Variants in DMXL1 observed in about 807,000 individuals in gnomAD.
The protein encoded by DMXL1 is Dmx like 1.
Under a neutral mutation model 319.2 loss-of-function variants are expected in DMXL1, and 99 were observed. The ratio of observed to expected loss-of-function variants is 0.31; its 90% CI spans 0.26 to 0.37. DMXL1 has a LOEUF of 0.37. Among genes scored for constraint, DMXL1 ranks in the 10% least tolerant of loss-of-function variants. The probability of loss-of-function intolerance (pLI) is 1.00; values close to 1 mark genes in which losing one functional copy is unlikely to be tolerated. For missense variants in DMXL1, 3,745 were observed against 3,595.6 expected, an observed-to-expected ratio of 1.04 and a Z score of -1.06; for synonymous variants, 1,385 against 1,235.2, an observed-to-expected ratio of 1.12 and a Z score of -2.54.
chr5:119,180,264 A>G (rs1379357729), intron 28 of DMXL1, among the ~76,000 whole-genome samples: 2 of 152,210 alleles, frequency 1.3e-5, no homozygotes, highest in African/African-American at 2.4e-5. Context: ...CTTATGGAAT[A>G]GTATAAGTGG....
intron 2 of DMXL1, chr5:119,100,687 A>G (rs940011897): frequency 1.3e-5 from 2 of 149,980 alleles, no homozygotes; most frequent in African/African-American, 4.9e-5. Context: ...CTATTGTGTT[A>G]TAAGGAGCAC....
At position 119,193,881 on chromosome 5, in the gene DMXL1, G is replaced by A. The variant is rs1314736700; in HGVS notation, c.7368G>A (p.Leu2456=). The A allele has an allele frequency of 2.5e-6, 4 of 1,612,922 alleles. No individual in the cohort carries two copies. In the African/African-American group the frequency reaches 5.3e-5, roughly 22 times the overall value. ...SRAEYDSEES[L]GSDDDDNDDD... is the part of the protein sequence containing the mutation. ...CCGAATATGATTCAGAGGAGAGTCTGGGAAGTGATGATGATGACAATGATG... is the reference window on the plus strand; with the variant it reads ...CCGAATATGATTCAGAGGAGAGTCTAGGAAGTGATGATGATGACAATGATG... Residue 2456 remains leucine, a synonymous_variant, in exon 30 of 44, where the codon CTG becomes CTA. Transcript: ENST00000539542.
chr5:119,221,029 C>G lies in DMXL1; in HGVS notation c.8225C>G (p.Pro2742Arg). Residue 2742 changes from proline to arginine, a missense_variant, in exon 37 of 44, where the codon CCA becomes CGA. This residue lies in a region of DMXL1 where 1,382 missense variants were observed against 1,269.5 expected (regional missense o/e 1.09). Coordinates refer to ENST00000539542, the MANE Select transcript of DMXL1 (RefSeq NM_001290321.3). ...TATACACATAGCAATCCTGGCACTC[C>G]AATCAACATGCCATGGCTTGGTAGT... ...TPYTHSNPGT[P>R]INMPWLGSTQ... 1 of 1,613,824 alleles carries G rather than the reference C, an allele frequency of 6.2e-7. No individual in the cohort carries two copies. The highest frequency in any genetic ancestry group is 1.1e-5 in the South Asian group (1 of 91,062).
At chr5:119,142,411 G>T (rs774471612) in intron 13 of DMXL1, among the ~76,000 whole-genome samples, 2 of 151,260 alleles carry the variant, frequency 1.3e-5, no homozygotes, top group Non-Finnish European at 2.9e-5. Flanking sequence ...CATACGTGTG[G>T]CAACAAACAT....
At chr5:119,187,541 T>C (rs1379233179) in intron 28 of DMXL1, among the ~76,000 whole-genome samples, 1 of 152,182 alleles carries the variant, frequency 6.6e-6, no homozygotes, top group East Asian at 1.9e-4. Context: ...ACAGGTCATT[T>C]CTTGTTTACT....
intron 32 of DMXL1, 74 bp downstream of exon 32, chr5:119,198,030 C>G: frequency 6.8e-7 from 1 of 1,466,256 alleles, no homozygotes; most frequent in Non-Finnish European, 9.5e-7. Flanking sequence ...GCTCTGTCAT[C>G]CGGGCTGGAG....
At chr5:119,139,839 G>C (rs185742843) in intron 13 of DMXL1, among the ~76,000 whole-genome samples, 2 of 152,028 alleles carry the variant, frequency 1.3e-5, no homozygotes, top group Non-Finnish European at 2.9e-5. Context: ...TCATTGCCAC[G>C]TCACATACTC....
chr5:119,206,876 G>C lies in DMXL1; in HGVS notation c.7906G>C (p.Glu2636Gln), dbSNP rs776318996. 127 of 1,527,656 alleles carry C rather than the reference G, an allele frequency of 8.3e-5. No homozygotes were observed. The African/African-American group carries it at 1.5e-3, about 18-fold the overall frequency. The allele number at this position is 1,527,656 out of a possible 1,614,324, so 94.6% of individuals were successfully genotyped here. ...NSETIKNSMM[E>Q]EPNINKIEAD... ...TGAAACCATCAAAAATTCTATGATGGAGGAGCCAAACATCAATAAGGTACA... is the reference window on the plus strand; with the variant it reads ...TGAAACCATCAAAAATTCTATGATGCAGGAGCCAAACATCAATAAGGTACA... The change falls in exon 34 of 44, where the codon GAG becomes CAG. Residue 2636 changes from glutamate (E) to glutamine (Q), a missense_variant. By Grantham distance (29) the Glu-to-Gln change is conservative (BLOSUM62 2). Transcript: ENST00000539542.
At chr5:119,219,960 C>G (rs750228400) in intron 35 of DMXL1, among the ~76,000 whole-genome samples, 127 of 151,174 alleles carry the variant, frequency 8.4e-4, no homozygotes, top group Non-Finnish European at 1.6e-3. Flanking sequence ...GCATACTTCT[C>G]CCACTATATT....
chr5:119,071,641 C>T lies in DMXL1; in HGVS notation c.72C>T (p.Gly24=). The T allele has an allele frequency of 6.3e-7, 1 of 1,592,448 alleles. No individual in the cohort carries two copies. Among genetic ancestry groups the T allele is most frequent in the South Asian group, 1.1e-5 (1 of 87,522 alleles). ...ACTGCTTCTCCGTGGGCAGCATTGG[C>T]GACCAGCGCTTCACGGTGAGTGAGG... ...GDHCFSVGSI[G]DQRFTAYASG... Residue 24 remains glycine (G), a synonymous_variant, in exon 1 of 44, where the codon GGC becomes GGT. Coordinates refer to ENST00000539542, the MANE Select transcript of DMXL1 (RefSeq NM_001290321.3).
chr5:119,244,293 C>G, intron 42 of DMXL1, 66 bp from the exon 43 acceptor site: 1 of 1,321,664 alleles, frequency 7.6e-7, no homozygotes, highest in East Asian at 2.5e-5. Context: ...TTCACTTTAG[C>G]CAAAAGCCAG....
In DMXL1 at chr5:119,133,376, T is replaced by C; in HGVS notation, c.1560T>C (p.Arg520=). The C allele has an allele frequency of 6.2e-7, 1 of 1,611,982 alleles. No individual in the cohort carries two copies. Among genetic ancestry groups the C allele is most frequent in the Non-Finnish European group, 8.5e-7 (1 of 1,178,258 alleles). The change falls in exon 11 of 44, where the codon CGT becomes CGC. Residue 520 remains arginine (R), a synonymous_variant. Coordinates refer to ENST00000539542, the MANE Select transcript of DMXL1 (RefSeq NM_001290321.3). The part of the protein sequence containing the change: ...WLDEYQPGMF[R]QVQVSFVSRI... Reference sequence around the variant, plus strand: ...ATGAATACCAGCCTGGTATGTTTCGTCAAGTACAGGTACTACTGTTATTTC... The same window carrying C: ...ATGAATACCAGCCTGGTATGTTTCGCCAAGTACAGGTACTACTGTTATTTC...
At chr5:119,175,094 C>G (rs1040717068) in intron 25 of DMXL1, among the ~76,000 whole-genome samples, 167 bp from the exon 26 acceptor site, 28 of 151,836 alleles carry the variant, frequency 1.8e-4, no homozygotes, top group Admixed American at 1.6e-3. Flanking sequence ...TGTAGTAAGA[C>G]TCATGTAGAT....
intron 25 of DMXL1, among the ~76,000 whole-genome samples, chr5:119,173,700 A>G (rs200669397): frequency 0.16 from 8,501 of 52,726 alleles, 314 homozygotes; most frequent in East Asian, 0.46. Context: ...GTGTGTGTGT[A>G]TATATATATG....
intron 34 of DMXL1, among the ~76,000 whole-genome samples, chr5:119,214,881 C>T (rs1318700255): frequency 6.6e-6 from 1 of 152,138 alleles, no homozygotes; most frequent in Non-Finnish European, 1.5e-5. Context: ...TGGTATGATG[C>T]CCTATCCAAC....
chr5:119,190,213 C>T (rs1241634233), intron 29 of DMXL1, among the ~76,000 whole-genome samples: 1 of 152,112 alleles, frequency 6.6e-6, no homozygotes, highest in African/African-American at 2.4e-5. Flanking sequence ...AATCAAAGTG[C>T]TCTGGTCATC....
rs751308539 is a variant in DMXL1, at chr5:119,110,259, A to T, written c.473A>T (p.Asp158Val). 1 of 1,574,122 alleles carries T rather than the reference A, an allele frequency of 6.4e-7. No individual in the cohort carries two copies. Among genetic ancestry groups the T allele is most frequent in the South Asian group, 1.2e-5 (1 of 83,824 alleles). The change falls in exon 5 of 44, where the codon GAT becomes GTT. Residue 158 changes from aspartate to valine, a missense_variant. Asp to Val is a radical substitution (Grantham distance 152). This residue lies in a region of DMXL1 where 2,096 missense variants were observed against 1,985.4 expected (regional missense o/e 1.06). Coordinates refer to ENST00000539542, the MANE Select transcript of DMXL1 (RefSeq NM_001290321.3). Reference sequence around the variant, plus strand: ...AATAAAACAGATCTTAACTTTGGAGATTGGAAATGCATTTGGCATTGCAAG... The same window carrying T: ...AATAAAACAGATCTTAACTTTGGAGTTTGGAAATGCATTTGGCATTGCAAG... ...NLNKTDLNFG[D>V]WKCIWHCKTA...
Position 119,118,893 on chromosome 5 carries a change from T to A in DMXL1, c.822T>A (p.Asn274Lys). 6.2e-7 allele frequency: 1 copy of A among 1,614,006 alleles called. No individual in the cohort carries two copies. Among genetic ancestry groups the A allele is most frequent in the Non-Finnish European group, 8.5e-7 (1 of 1,179,922 alleles). Residue 274 changes from asparagine (N) to lysine (K), a missense_variant, in exon 8 of 44, where the codon AAT becomes AAA. Asn to Lys is a moderately conservative substitution (Grantham distance 94). Around this residue, in one of 4 missense-constraint regions of DMXL1, gnomAD observed 2,096 missense variants for 1,985.4 expected, o/e 1.06. Transcript: ENST00000539542. Reference protein sequence around the residue: ...CRLWVETFLPNDCLLYGGDCS... With the variant: ...CRLWVETFLPKDCLLYGGDCS... ...TTTGGGTAGAGACATTTTTACCAAA[T>A]GATTGTTTGCTATACGGAGGTGACT...
intron 13 of DMXL1, among the ~76,000 whole-genome samples, chr5:119,141,694 A>C (rs143762205): frequency 7.0e-4 from 106 of 151,968 alleles, no homozygotes; most frequent in African/African-American, 2.4e-3. Context: ...TATGGCCCAA[A>C]AATTTACAGA....
Sources: allele counts gnomAD v4.1 joint callset (sites outside exome capture counted in the v4.1 genomes callset), GRCh38; gene constraint gnomAD v4.1.1; regional missense constraint gnomAD v4.1.1; transcripts MANE v1.5; gene names NCBI Gene and HGNC (gene_info 2026-07-23, HGNC 2026-07-21).